Variants in PCP4 observed in about 807,000 individuals in gnomAD.
PCP4 encodes the protein Purkinje cell protein 4.
A neutral mutation model predicts 10.0 loss-of-function variants in PCP4; 8 were observed. The ratio of observed to expected loss-of-function variants is 0.80; its 90% confidence interval spans 0.47 to 1.45. The LOEUF (loss-of-function observed/expected upper bound fraction) is 1.45. PCP4 is among the 40% of genes most tolerant of loss of function. The probability of loss-of-function intolerance (pLI) is 0.00; values close to 1 mark genes in which losing one functional copy is unlikely to be tolerated. For synonymous variants in PCP4, 21 were observed against 23.0 expected (o/e 0.91, Z 0.24); for missense variants, 54 against 74.4 (o/e 0.73, Z 1.01).
chr21:39,872,966 A>G (rs1205214414), intron 1 of PCP4, among the ~76,000 whole-genome samples: 2 of 152,230 alleles, frequency 1.3e-5, no homozygotes, highest in Non-Finnish European at 2.9e-5. Context: ...AAAATGAGAA[A>G]AAATAAGAAG....
chr21:39,907,209 G>A (rs2087515885), intron 2 of PCP4, among the ~76,000 whole-genome samples: 1 of 150,908 alleles, frequency 6.6e-6, no homozygotes, highest in Admixed American at 6.6e-5. Context: ...TCTCAAGCTA[G>A]ATGTGTTCTC....
intron 2 of PCP4, among the ~76,000 whole-genome samples, chr21:39,916,941 T>G (rs2087571122): frequency 6.6e-6 from 1 of 151,980 alleles, no homozygotes; most frequent in African/African-American, 2.4e-5. Flanking sequence ...CACTGGGGCT[T>G]ATTGGGAGGG....
intron 1 of PCP4, among the ~76,000 whole-genome samples, chr21:39,890,257 A>G (rs182039216): frequency 5.2e-5 from 8 of 152,382 alleles, no homozygotes; most frequent in Admixed American, 5.2e-4. Context: ...TCAGGGAGAC[A>G]TAGTGACTAG....
At chr21:39,898,770 A>G (rs924102599) in intron 2 of PCP4, among the ~76,000 whole-genome samples, 4 of 152,220 alleles carry the variant, frequency 2.6e-5, no homozygotes, top group African/African-American at 9.7e-5. Flanking sequence ...TTTGGGCAAC[A>G]TGGTAATTAC....
intron 2 of PCP4, among the ~76,000 whole-genome samples, chr21:39,903,329 G>A (rs1171880367): frequency 1.3e-5 from 2 of 152,212 alleles, no homozygotes; most frequent in African/African-American, 2.4e-5. Flanking sequence ...CGGGTGGAAG[G>A]TGTATGAACA....
intron 2 of PCP4, among the ~76,000 whole-genome samples, chr21:39,921,665 G>A (rs1393968455): frequency 2.0e-5 from 3 of 152,134 alleles, no homozygotes; most frequent in African/African-American, 4.8e-5. Context: ...TTAAAGAGAT[G>A]GTTAATTGAT....
chr21:39,885,487 G>A (rs991759235), intron 1 of PCP4, among the ~76,000 whole-genome samples: 10 of 152,224 alleles, frequency 6.6e-5, no homozygotes, highest in East Asian at 3.9e-4. Context: ...CCTCTGGCTC[G>A]GGGCTGGAGA....
intron 1 of PCP4, among the ~76,000 whole-genome samples, chr21:39,877,636 G>A (rs1283874356): frequency 6.6e-6 from 1 of 152,094 alleles, no homozygotes; most frequent in Non-Finnish European, 1.5e-5. Flanking sequence ...GGTGGAGGTT[G>A]CAGTGAGCCA....
At chr21:39,891,773 G>A (rs183490078) in intron 1 of PCP4, among the ~76,000 whole-genome samples, 4 of 152,328 alleles carry the variant, frequency 2.6e-5, no homozygotes, top group East Asian at 1.9e-4. Context: ...TTAGGTAGCC[G>A]AAGCAGAGAG....
intron 2 of PCP4, among the ~76,000 whole-genome samples, chr21:39,927,791 A>G (rs558579810): frequency 6.6e-6 from 1 of 152,184 alleles, no homozygotes; most frequent in East Asian, 1.9e-4. Flanking sequence ...TTGGATCTCA[A>G]TTCTGGCCAC....
chr21:39,925,983 C>A (rs1315310308), intron 2 of PCP4: 1 of 455,172 alleles, frequency 2.2e-6, no homozygotes, highest in African/African-American at 2.0e-5. Context: ...CTTCCAGGGC[C>A]ACAGACCATT....
At chr21:39,914,244 G>T (rs143014681) in intron 2 of PCP4, among the ~76,000 whole-genome samples, 1 of 152,188 alleles carries the variant, frequency 6.6e-6, no homozygotes, top group East Asian at 1.9e-4. Flanking sequence ...CAAAACCCTG[G>T]AACACACTCC....
chr21:39,880,174 A>ATCTATATCTATC (rs2146327819), intron 1 of PCP4, among the ~76,000 whole-genome samples: 1 of 148,602 alleles, frequency 6.7e-6, no homozygotes, highest in African/African-American at 2.5e-5. Context: ...CTATATCTAT[A>ATCTATATCTATC]TCTATATCTA....
rs564022528 is a variant in PCP4 at position 39,900,328 on chromosome 21, C to T, written c.61+1801C>T. On this transcript the variant is annotated intron_variant, in intron 2 of 2. Coordinates refer to ENST00000328619, the MANE Select transcript of PCP4 (RefSeq NM_006198.3). ...GGGATTACAGGTGTGAGCCACTGCA[C>T]CCAGCCAACATTTTTGTTCTCACAA... 1.6e-4 allele frequency among the ~76,000 whole-genome samples: 25 copies of T among 152,304 alleles called. No homozygotes were observed. In the East Asian group the frequency reaches 3.9e-3, roughly 24 times the overall value.
Position 39,922,212 on chromosome 21 carries a change from TTTATA to T in PCP4, c.62-6769_62-6765del, listed in dbSNP as rs1439647116. 4.4e-4 allele frequency among the ~76,000 whole-genome samples: 67 copies of T among 151,950 alleles called. 1 individual carries two copies. The highest frequency in any genetic ancestry group is 1.6e-3 in the African/African-American group (66 of 41,218). ...ACTGGTAGTATAATAGTTCCTAACC[TTTATA>T]TTTATGATTCTCTATTTTATATTTG... On this transcript the variant is annotated intron_variant, in intron 2 of 2. Transcript: ENST00000328619.
chr21:39,882,806 C>G (rs921669014), intron 1 of PCP4, among the ~76,000 whole-genome samples: 1 of 152,184 alleles, frequency 6.6e-6, no homozygotes, highest in Non-Finnish European at 1.5e-5. Context: ...CTTTCATTGA[C>G]AGTTTTCCAC....
intron 2 of PCP4, among the ~76,000 whole-genome samples, chr21:39,904,143 G>T (rs1277533761): frequency 6.6e-6 from 1 of 152,184 alleles, no homozygotes; most frequent in Non-Finnish European, 1.5e-5. Context: ...TAGGCAGACA[G>T]ATGTACATGC....
intron 2 of PCP4, among the ~76,000 whole-genome samples, chr21:39,905,761 A>G (rs925361833): frequency 6.6e-6 from 1 of 152,174 alleles, no homozygotes; most frequent in Non-Finnish European, 1.5e-5. Flanking sequence ...TAGTTTAAAA[A>G]AATGTGGCCG....
chr21:39,908,486 G>A (rs2087523735), intron 2 of PCP4, among the ~76,000 whole-genome samples: 1 of 152,200 alleles, frequency 6.6e-6, no homozygotes, highest in African/African-American at 2.4e-5. Context: ...AAGGGACTGG[G>A]CAGGCACGGT....
Sources: gnomAD v4.1 joint callset for allele counts (sites outside exome capture counted in the v4.1 genomes callset) on GRCh38, gnomAD v4.1.1 for gene constraint, MANE v1.5 for transcripts, NCBI Gene and HGNC (gene_info 2026-07-23, HGNC 2026-07-21) for gene names.